Variants in ZNF567 observed in about 807,000 individuals in gnomAD.
ZNF567 encodes the protein zinc finger protein 567.
In ZNF567, 36 loss-of-function variants were observed where a neutral mutation model predicts 53.9. That is an observed-to-expected ratio of 0.67 (90% confidence interval 0.51 to 0.88). ZNF567 has a LOEUF of 0.88. Ranked by LOEUF, ZNF567 falls within the 40% of genes least tolerant of loss-of-function variation. The pLI, the probability that ZNF567 is intolerant of heterozygous loss-of-function variation, is 0.00. For missense variants in ZNF567, 619 were observed against 764.7 expected, an observed-to-expected ratio of 0.81 and a Z score of 2.25; for synonymous variants, 224 against 260.4, an observed-to-expected ratio of 0.86 and a Z score of 1.35.
At chr19:36,682,954 G>T (rs561622265), upstream of ZNF567, among the ~76,000 whole-genome samples, 2 of 151,858 alleles carry the variant, frequency 1.3e-5, no homozygotes, top group Admixed American at 1.3e-4. Flanking sequence ...TAAAATTTGT[G>T]CTTCCTCTCT....
upstream of ZNF567, among the ~76,000 whole-genome samples, chr19:36,682,802 T>C (rs2145471960): frequency 1.3e-5 from 2 of 151,710 alleles, no homozygotes; most frequent in South Asian, 4.2e-4. Context: ...AGAGACAGGG[T>C]TTCACCATGT....
chr19:36,716,111 C>CTT (rs138651052), intron 5 of ZNF567, among the ~76,000 whole-genome samples: 18 of 151,034 alleles, frequency 1.2e-4, no homozygotes, highest in Admixed American at 1.1e-3. Context: ...CAGTTTTTCC[C>CTT]TTTTTTTTTA....
chr19:36,672,332 T>G, the ZNF567 span, among the ~76,000 whole-genome samples: 1 of 152,180 alleles, frequency 6.6e-6, no homozygotes, highest in Non-Finnish European at 1.5e-5. Flanking sequence ...AGGGAAGAGA[T>G]ATGGACCTCG....
At chr19:36,681,479 G>T in the ZNF567 span, among the ~76,000 whole-genome samples, 1 of 152,144 alleles carries the variant, frequency 6.6e-6, no homozygotes, top group African/African-American at 2.4e-5. Flanking sequence ...GCCCAGGCTG[G>T]AGTGCAGTGG....
intron 5 of ZNF567, among the ~76,000 whole-genome samples, chr19:36,715,232 C>T (rs1303436922): frequency 6.6e-6 from 1 of 151,832 alleles, no homozygotes; most frequent in Non-Finnish European, 1.5e-5. Flanking sequence ...TCAGTCTCGG[C>T]TCACTGCAAA....
At chr19:36,710,822 A>G (rs994457633) in intron 3 of ZNF567, among the ~76,000 whole-genome samples, 7 of 152,174 alleles carry the variant, frequency 4.6e-5, no homozygotes, top group Middle Eastern at 3.2e-3. Flanking sequence ...TTCTTGGGCT[A>G]TGAGCAGGTT....
chr19:36,676,055 C>CTTTTTTTTTTTTTTT, the ZNF567 span, among the ~76,000 whole-genome samples: 38 of 60,620 alleles, frequency 6.3e-4, 7 homozygotes, highest in Non-Finnish European at 9.2e-4. Flanking sequence ...TATTCTACAC[C>CTTTTTTTTTTTTTTT]TTTTTTTTTT....
chr19:36,672,335 G>A, the ZNF567 span, among the ~76,000 whole-genome samples: 1 of 152,190 alleles, frequency 6.6e-6, no homozygotes, highest in African/African-American at 2.4e-5. Context: ...GAAGAGATAT[G>A]GACCTCGCTG....
At chr19:36,684,578 C>T (rs184254687), upstream of ZNF567, among the ~76,000 whole-genome samples, 2 of 152,294 alleles carry the variant, frequency 1.3e-5, no homozygotes, top group Non-Finnish European at 2.9e-5. Context: ...ACGAGTTCCT[C>T]TTATCAGTTG....
intron 3 of ZNF567, among the ~76,000 whole-genome samples, chr19:36,709,081 A>T (rs971480673): frequency 1.1e-4 from 16 of 152,292 alleles, no homozygotes; most frequent in African/African-American, 3.9e-4. Context: ...TGTTTGCAAT[A>T]AGTGGTATTA....
chr19:36,722,615 A>T (rs534552650), downstream of ZNF567, among the ~76,000 whole-genome samples: 1 of 152,288 alleles, frequency 6.6e-6, no homozygotes, highest in African/African-American at 2.4e-5. Context: ...ATTGTTTTTT[A>T]AAAGATTTAG....
At chr19:36,700,105 C>A (rs2039097834) in intron 3 of ZNF567, among the ~76,000 whole-genome samples, 4 of 130,848 alleles carry the variant, frequency 3.1e-5, no homozygotes, top group African/African-American at 1.2e-4. Flanking sequence ...CCATCAATAC[C>A]TAATTTATTG....
upstream of ZNF567, chr19:36,686,845 G>A (rs1255919411): frequency 6.6e-6 from 1 of 152,220 alleles, no homozygotes. Flanking sequence ...GGAACTCAGA[G>A]ATGCAGAGCC....
intron 2 of ZNF567, among the ~76,000 whole-genome samples, chr19:36,693,293 C>CA (rs1212343797): frequency 2.6e-5 from 4 of 151,564 alleles, no homozygotes; most frequent in African/African-American, 7.3e-5. Flanking sequence ...GTCTCAAAAA[C>CA]AAAAAAATTA....
upstream of ZNF567, chr19:36,687,389 G>A (rs1339071478): frequency 1.3e-5 from 2 of 152,408 alleles, no homozygotes; most frequent in Non-Finnish European, 2.9e-5. Flanking sequence ...CGGGAGCTCG[G>A]GGCTTCCTCA....
At chr19:36,694,278 G>A (rs3108185) in intron 2 of ZNF567, among the ~76,000 whole-genome samples, 102,243 of 152,080 alleles carry the variant, frequency 0.67, 34,702 homozygotes, top group East Asian at 0.82. Context: ...AAATAAAAAT[G>A]ATAGAAAATG....
chr19:36,719,125 A>G lies in ZNF567; in HGVS notation c.401A>G (p.Tyr134Cys), dbSNP rs549790740. The change falls in exon 6 of 6, where the codon TAT (tyrosine) becomes TGT (cysteine). Residue 134 changes from tyrosine (Y) to cysteine (C), a missense_variant. By Grantham distance (194) the Tyr-to-Cys change is radical. Transcript: ENST00000682579. ...PVNSKNLPPEYDTHGRILKNV... is the reference protein window; with the variant it reads ...PVNSKNLPPECDTHGRILKNV... ...AATTCAAAAAATCTACCTCCTGAAT[A>G]TGATACTCATGGAAGGATTTTGAAA... is the stretch of plus-strand genomic sequence containing the variant. 2.5e-6 allele frequency: 4 copies of G among 1,611,814 alleles called. No homozygotes were observed. The highest frequency in any genetic ancestry group is 3.4e-5 in the Admixed American group (2 of 59,538).
Position 36,709,871 on chromosome 19 carries a change from A to G in ZNF567, c.10-2515A>G, listed in dbSNP as rs530277524. Among the ~76,000 whole-genome samples, 72 of 152,346 alleles carry G rather than the reference A, an allele frequency of 4.7e-4. No individual in the cohort carries two copies. In the South Asian group the frequency reaches 8.5e-3, roughly 18 times the overall value. ...TTGAATATATAGTTTTGCTGCGTGT[A>G]GAATTCTTGGCTGTGTAGCAGTTTA... On this transcript the variant is annotated intron_variant, in intron 3 of 5. Coordinates refer to ENST00000682579, the MANE Select transcript of ZNF567 (RefSeq NM_001322917.1).
rs1001035702 is a variant in ZNF567, at chr19:36,720,805, G to T, written c.*137G>T. ...TATTAAAGTACCATACGGAATAACT[G>T]TCTACTGTTTACTAGCATATAAAAT... is the stretch of plus-strand genomic sequence containing the variant. On this transcript the variant is annotated 3_prime_UTR_variant, in exon 6 of 6. Transcript: ENST00000682579. 2 of 726,178 alleles carry T rather than the reference G, an allele frequency of 2.8e-6. No homozygotes were observed. The highest frequency in any genetic ancestry group is 4.1e-6 in the Non-Finnish European group (2 of 491,332). 45.0% of individuals were successfully genotyped at this position (726,178 alleles called of 1,614,324 possible). A position where few individuals can be genotyped will look rare whatever the true frequency, so the allele number is the denominator to read the frequency against.
Sources: gnomAD v4.1 joint callset for allele counts (sites outside exome capture counted in the v4.1 genomes callset) on GRCh38, gnomAD v4.1.1 for gene constraint, MANE v1.5 for transcripts, NCBI Gene and HGNC (gene_info 2026-07-23, HGNC 2026-07-21) for gene names.